Variants in CIT observed in about 807,000 individuals in gnomAD.
CIT encodes the protein citron rho-interacting serine/threonine kinase, also known as citron Rho-interacting kinase.
CIT carries 79 observed loss-of-function variants against 272.7 expected under a neutral mutation model. The ratio of observed to expected loss-of-function variants is 0.29; its 90% CI spans 0.24 to 0.35. The LOEUF (loss-of-function observed/expected upper bound fraction) is 0.35, where lower values mean the gene tolerates loss of function less well. Among genes scored for constraint, CIT ranks in the 10% least tolerant of loss-of-function variants. The pLI is 1.00. For synonymous variants in CIT, 948 were observed against 995.6 expected (o/e 0.95, Z 0.90); for missense variants, 1,909 against 2,618.3 (o/e 0.73, Z 5.91).
chr12:119,798,201 C>A (rs1965900537), intron 10 of CIT, among the ~76,000 whole-genome samples: 1 of 152,144 alleles, frequency 6.6e-6, no homozygotes, highest in Admixed American at 6.5e-5. Context: ...GAAAATGAAT[C>A]CCAGCATTTA....
At chr12:119,714,136 TAG>T in intron 33 of CIT, 59 bp downstream of exon 33, 4 of 1,593,834 alleles carry the variant, frequency 2.5e-6, no homozygotes, top group Non-Finnish European at 3.4e-6. Context: ...CTCCACCTGA[TAG>T]ACTTTTTAAG....
At chr12:119,786,268 C>G (rs1964790164) in intron 10 of CIT, among the ~76,000 whole-genome samples, 1 of 152,146 alleles carries the variant, frequency 6.6e-6, no homozygotes, top group Non-Finnish European at 1.5e-5. Flanking sequence ...TTATACAACT[C>G]TTAGGAAAAT....
At chr12:119,805,561 C>T (rs763529261) in intron 9 of CIT, among the ~76,000 whole-genome samples, 15 of 152,176 alleles carry the variant, frequency 9.9e-5, no homozygotes, top group Non-Finnish European at 1.6e-4. Context: ...GAGACACATC[C>T]ATGTGGATGT....
chr12:119,697,080 C>A lies in CIT; in HGVS notation c.5882+579G>T, dbSNP rs1956265707. Among the ~76,000 whole-genome samples, 1 of 152,272 alleles carries A rather than the reference C, an allele frequency of 6.6e-6. No homozygotes were observed. The highest frequency in any genetic ancestry group is 2.1e-4 in the South Asian group (1 of 4,820). ...GCCAGGAGTCCCTGACCTGCTCTCA[C>A]GACCTCACATCTCTGGACCTCCAGG... is the stretch of plus-strand genomic sequence containing the variant. On this transcript the variant is annotated intron_variant, in intron 46 of 47. Transcript: ENST00000392521. This position sits in a 1 kb window ranked among gnomAD's most constrained non-coding sequence, Gnocchi z 4.9.
rs1957258286 is a variant in CIT at position 119,713,123 on chromosome 12, A to T, written c.4579+80T>A. The T allele has an allele frequency of 9.3e-7, 1 of 1,077,178 alleles. No individual in the cohort carries two copies. The highest frequency in any genetic ancestry group is 1.4e-5 in the South Asian group (1 of 70,950). 66.7% of individuals were successfully genotyped at this position (1,077,178 alleles called of 1,614,324 possible). ...GTAGAAGGCTTGCAAGGCAGTCCAA[A>T]AAACAAAGCCTTCGCGCCAGCACTG... On this transcript the variant is annotated intron_variant, in intron 35 of 47. Coordinates refer to ENST00000392521, the MANE Select transcript of CIT (RefSeq NM_001206999.2). This position sits in a 1 kb window ranked among gnomAD's most constrained non-coding sequence, Gnocchi z 5.2.
chr12:119,707,329 G>A (rs1026787623), intron 40 of CIT, among the ~76,000 whole-genome samples: 1 of 152,118 alleles, frequency 6.6e-6, no homozygotes, highest in Non-Finnish European at 1.5e-5. Flanking sequence ...TATTTCACGT[G>A]CCTAAAGGAG....
chr12:119,783,775 C>T, intron 12 of CIT, 133 bp downstream of exon 12: 1 of 1,154,462 alleles, frequency 8.7e-7, no homozygotes, highest in Non-Finnish European at 1.2e-6. Context: ...ACAGATCTTG[C>T]TTTTGTGCTC....
At chr12:119,760,203 A>AAG (rs1175272379) in intron 20 of CIT, among the ~76,000 whole-genome samples, 1 of 151,390 alleles carries the variant, frequency 6.6e-6, no homozygotes, top group Non-Finnish European at 1.5e-5. Context: ...AAAAAAAAAA[A>AAG]AGAGAGAGAT....
chr12:119,812,538 C>T (rs564933980), intron 9 of CIT, among the ~76,000 whole-genome samples: 1 of 151,994 alleles, frequency 6.6e-6, no homozygotes, highest in East Asian at 1.9e-4. Flanking sequence ...CTCCTGGGCT[C>T]AAGCAATCCT....
At chr12:119,866,335 G>T (rs993633955) in intron 3 of CIT, among the ~76,000 whole-genome samples, 1 of 151,998 alleles carries the variant, frequency 6.6e-6, no homozygotes, top group South Asian at 2.1e-4. Flanking sequence ...GAGATCCTAT[G>T]TCCCTCCTAG....
chr12:119,747,613 G>A (rs535249226), intron 23 of CIT, among the ~76,000 whole-genome samples: 11 of 146,916 alleles, frequency 7.5e-5, no homozygotes, highest in Non-Finnish European at 1.3e-4. Context: ...CCAGCTACTC[G>A]GGAGGCTGAG....
At chr12:119,856,209 G>T (rs1348260570) in intron 4 of CIT, among the ~76,000 whole-genome samples, 1 of 152,134 alleles carries the variant, frequency 6.6e-6, no homozygotes. Flanking sequence ...CCTTCCAGAG[G>T]CCTAAATAAT....
At chr12:119,838,566 G>A (rs946062582) in intron 5 of CIT, among the ~76,000 whole-genome samples, 1 of 152,296 alleles carries the variant, frequency 6.6e-6, no homozygotes, top group South Asian at 2.1e-4. Flanking sequence ...GCCCAGCACT[G>A]TGTTGGGACC....
At chr12:119,845,743 A>G (rs534849504) in intron 5 of CIT, among the ~76,000 whole-genome samples, 1 of 151,688 alleles carries the variant, frequency 6.6e-6, no homozygotes, top group East Asian at 1.9e-4. Flanking sequence ...CAAGGTCAGG[A>G]GTTCAAGACC....
rs148188101 is a variant in CIT at position 119,705,771 on chromosome 12, CAAAAAAAAAAAAAAAAA to C, written c.5212-1333_5212-1317del. Reference sequence around the variant, plus strand: ...TGGGTGACAGAGTGAGACTCTGTCTCAAAAAAAAAAAAAAAAAAAAAAAAAAAAAAAATTTTGGCCAG... The same window carrying C: ...TGGGTGACAGAGTGAGACTCTGTCTCAAAAAAAAAAAAAAATTTTGGCCAG... On this transcript the variant is annotated intron_variant, in intron 40 of 47. Transcript: ENST00000392521. Among the ~76,000 whole-genome samples the C allele has an allele frequency of 2.8e-4, 13 of 46,620 alleles. No individual in the cohort carries two copies. The South Asian group carries it at 4.8e-3, about 17-fold the overall frequency. 30.6% of individuals were successfully genotyped at this position (46,620 alleles called of 152,430 possible).
chr12:119,723,717 A>T (rs1250965501), intron 28 of CIT, among the ~76,000 whole-genome samples: 4 of 152,218 alleles, frequency 2.6e-5, no homozygotes, highest in Non-Finnish European at 5.9e-5. Flanking sequence ...TTAAATTGTC[A>T]ATGGAATAAA....
At chr12:119,711,831 CTTTTT>C (rs1217289999) in intron 37 of CIT, among the ~76,000 whole-genome samples, 1 of 152,140 alleles carries the variant, frequency 6.6e-6, no homozygotes, top group Non-Finnish European at 1.5e-5. Context: ...CTTTCTTTCT[CTTTTT>C]TTAAGAGATG....
Position 119,870,513 on chromosome 12 carries a change from G to A in CIT, c.97-1312C>T, listed in dbSNP as rs535523132. Among the ~76,000 whole-genome samples, 598 of 123,996 alleles carry A rather than the reference G, an allele frequency of 4.8e-3. 3 individuals are homozygous for A. The highest frequency in any genetic ancestry group is 5.2e-3 in the Non-Finnish European group (330 of 63,866). 81.3% of individuals were successfully genotyped at this position (123,996 alleles called of 152,430 possible). ...TGCAGTGAGCCGAGATCACACCACC[G>A]CACTCCAGCCTAGGCAACACAGTGA... is the stretch of plus-strand genomic sequence containing the variant. On this transcript the variant is annotated intron_variant, in intron 2 of 47. Coordinates refer to ENST00000392521, the MANE Select transcript of CIT (RefSeq NM_001206999.2).
chr12:119,756,125 C>A (rs1332610743), intron 22 of CIT, among the ~76,000 whole-genome samples: 1 of 152,158 alleles, frequency 6.6e-6, no homozygotes, highest in African/African-American at 2.4e-5. Context: ...AGGCAGCTTG[C>A]AAAACTAGTA....
Sources: gnomAD v4.1 joint callset for allele counts (sites outside exome capture counted in the v4.1 genomes callset) on GRCh38, gnomAD v4.1.1 for gene constraint, Gnocchi (gnomAD v3.1) non-coding constraint, MANE v1.5 for transcripts, NCBI Gene and HGNC (gene_info 2026-07-23, HGNC 2026-07-21) for gene names.